The following SPTBN2 variants were observed in gnomAD, a reference collection of about 807,000 sequenced individuals.
SPTBN2 encodes spectrin beta chain, non-erythrocytic 2.
In SPTBN2, 107 loss-of-function variants were observed where a neutral mutation model predicts 284.2. The observed-to-expected ratio is 0.38, with a 90% CI of 0.32 to 0.44. The LOEUF (loss-of-function observed/expected upper bound fraction) is 0.44, where lower values mean the gene tolerates loss of function less well. SPTBN2 is among the 20% of genes least tolerant of loss of function. The pLI, the probability that SPTBN2 is intolerant of heterozygous loss-of-function variation, is 1.00. For missense variants in SPTBN2, 2,569 were observed against 3,287.1 expected, an observed-to-expected ratio of 0.78 and a Z score of 5.34; for synonymous variants, 1,289 against 1,354.8, an observed-to-expected ratio of 0.95 and a Z score of 1.07.
rs1941606138 is a variant in SPTBN2 at position 66,707,157 on chromosome 11, C to T, written c.1653+359G>A. Among the ~76,000 whole-genome samples, 1 of 152,264 alleles carries T rather than the reference C, an allele frequency of 6.6e-6. No homozygotes were observed. Among genetic ancestry groups the T allele is most frequent in the Non-Finnish European group, 1.5e-5 (1 of 68,050 alleles). ...TTCCTTCTGCCCGGAACATTCTCTC[C>T]TGAGAGCTCTCTGTGCTGGCTCCTG... On this transcript the variant is annotated intron_variant, in intron 13 of 37. Coordinates refer to ENST00000533211, the MANE Select transcript of SPTBN2 (RefSeq NM_006946.4). This position sits in a 1 kb window ranked among gnomAD's most constrained non-coding sequence, Gnocchi z 4.9.
chr11:66,734,929 G>A (rs1036965236), intron 1 of SPTBN2, among the ~76,000 whole-genome samples: 10 of 152,236 alleles, frequency 6.6e-5, no homozygotes, highest in Middle Eastern at 3.4e-3. Flanking sequence ...CAGCAGCAAC[G>A]GCAACAGCAA....
rs139240091 is a variant in SPTBN2 at position 66,711,028 on chromosome 11, G to A, written c.774C>T (p.Asp258=). The change falls in exon 9 of 38, where the codon GAC becomes GAT. Residue 258 remains aspartate, a splice_region_variant and synonymous_variant. Transcript: ENST00000533211. ...TCTCATCTGGCTGGTCCACATTCAC[G>A]TCTGCAAGAGAGGACCATTTGGGTC... ...LGLTKLLDPE[D]VNVDQPDEKS... is the part of the protein sequence containing the mutation. 52 of 1,613,766 alleles carry A rather than the reference G, an allele frequency of 3.2e-5. No individual in the cohort carries two copies. The highest frequency in any genetic ancestry group is 2.9e-4 in the African/African-American group (22 of 75,016).
intron 15 of SPTBN2, 64 bp downstream of exon 15, chr11:66,704,534 C>T (rs1941414628): frequency 1.3e-6 from 2 of 1,561,236 alleles, no homozygotes; most frequent in African/African-American, 1.4e-5. Context: ...ACTCACCACC[C>T]ACATCCTGGC....
intron 3 of SPTBN2, 121 bp downstream of exon 3, chr11:66,720,963 T>G: frequency 7.5e-7 from 1 of 1,337,862 alleles, no homozygotes; most frequent in Admixed American, 2.0e-5. Flanking sequence ...ATTGATAGAG[T>G]GCTCTGGGTC....
intron 15 of SPTBN2, among the ~76,000 whole-genome samples, chr11:66,703,186 C>T (rs1444744816): frequency 6.6e-6 from 1 of 151,698 alleles, no homozygotes; most frequent in African/African-American, 2.4e-5. Flanking sequence ...CTCAAGCAAT[C>T]CTCCTGCCTC....
chr11:66,692,467 C>T (rs1387820678), intron 26 of SPTBN2, 69 bp downstream of exon 26: 2 of 1,574,394 alleles, frequency 1.3e-6, no homozygotes, highest in East Asian at 2.2e-5. Flanking sequence ...GGGACTAGGT[C>T]CTAGTCTCCC....
At chr11:66,714,548 T>C in intron 5 of SPTBN2, 141 bp from the exon 6 acceptor site, 1 of 746,612 alleles carries the variant, frequency 1.3e-6, no homozygotes, top group Non-Finnish European at 2.3e-6. Flanking sequence ...CCTTTCAACC[T>C]AGGCCAGGGA....
intron 1 of SPTBN2, among the ~76,000 whole-genome samples, chr11:66,743,201 G>C (rs1290768281): frequency 6.6e-6 from 1 of 152,164 alleles, no homozygotes; most frequent in African/African-American, 2.4e-5. Context: ...TGTTTATCAA[G>C]TTTGATGGTT....
At chr11:66,744,569 T>C in exon 1 of SPTBN2, 3 of 208,730 alleles carry the variant, frequency 1.4e-5, no homozygotes, top group Non-Finnish European at 2.8e-5. Flanking sequence ...TCTCGCGGGC[T>C]CTTCCCCGCC....
intron 25 of SPTBN2, 54 bp from the exon 26 acceptor site, chr11:66,692,794 C>T: frequency 6.3e-7 from 1 of 1,598,590 alleles, no homozygotes; most frequent in Non-Finnish European, 8.5e-7. Context: ...GCTCTGACCT[C>T]CGGTCTGTTC....
At chr11:66,726,517 G>C (rs527317634) in intron 1 of SPTBN2, among the ~76,000 whole-genome samples, 1 of 152,348 alleles carries the variant, frequency 6.6e-6, no homozygotes, top group Admixed American at 6.5e-5. Flanking sequence ...GGAGCCATGA[G>C]TGTTGAGAAG....
rs553853345 is a variant in SPTBN2 at position 66,700,640 on chromosome 11, G to A, written c.3459C>T (p.Gly1153=). 2 of 1,608,200 alleles carry A rather than the reference G, an allele frequency of 1.2e-6. No individual in the cohort carries two copies. Among genetic ancestry groups the A allele is most frequent in the Non-Finnish European group, 1.7e-6 (2 of 1,179,950 alleles). Residue 1153 remains glycine (G), a synonymous_variant, in exon 17 of 38, where the codon GGC becomes GGT. Transcript: ENST00000533211. The surrounding 1 kb of genome is among the most constrained non-coding windows in gnomAD (Gnocchi z 6.6). ...LRQRLEALGT[G]WEELGRMWES... ...CCCACATTCGGCCCAGCTCCTCCCA[G>A]CCAGTTCCCAGGGCCTCCAGTCGCT...
intron 18 of SPTBN2, 94 bp downstream of exon 18, chr11:66,699,312 C>T (rs1941111162): frequency 6.7e-7 from 1 of 1,497,016 alleles, no homozygotes; most frequent in Non-Finnish European, 9.2e-7. Context: ...CCTGCCCCAT[C>T]TGTGGGTTTC....
chr11:66,716,049 G>T, intron 3 of SPTBN2, 68 bp from the exon 4 acceptor site: 1 of 1,607,856 alleles, frequency 6.2e-7, no homozygotes, highest in Non-Finnish European at 8.5e-7. Context: ...ACACCAGTTG[G>T]CAGGGGTGGG....
chr11:66,709,090 A>G (rs1941722167), intron 10 of SPTBN2, 71 bp from the exon 11 acceptor site: 1 of 1,256,680 alleles, frequency 8.0e-7, no homozygotes, highest in African/African-American at 1.5e-5. Context: ...TACTCTTCCA[A>G]ATGGGTGTCC....
intron 15 of SPTBN2, among the ~76,000 whole-genome samples, chr11:66,702,357 G>GT (rs1941293056): frequency 1.3e-5 from 2 of 152,228 alleles, no homozygotes; most frequent in Middle Eastern, 3.4e-3. Flanking sequence ...GTGGAGACGG[G>GT]TGTTTCACTA....
chr11:66,684,317 CCTTT>C lies in SPTBN2; in HGVS notation c.*1550_*1553del, dbSNP rs1239117200. Among the ~76,000 whole-genome samples the C allele has an allele frequency of 6.6e-5, 10 of 152,204 alleles. No individual in the cohort carries two copies. Among genetic ancestry groups the C allele is most frequent in the Admixed American group, 1.3e-4 (2 of 15,284 alleles). ...AGAGACAAAGGAGAAGCCACCCGCT[CCTTT>C]CTAATACTTCATCAGATCCAGAAGG... is the stretch of plus-strand genomic sequence containing the variant. On this transcript the variant is annotated 3_prime_UTR_variant, in exon 38 of 38. Coordinates refer to ENST00000533211, the MANE Select transcript of SPTBN2 (RefSeq NM_006946.4).
rs1203312321 is a variant in SPTBN2, at chr11:66,683,661, G to A, written c.*2210C>T. ...TCTCACCTCTCCGTTGACAATGCCT[G>A]CCCCTACTGCAGGACTGCTTCAATT... On this transcript the variant is annotated 3_prime_UTR_variant, in exon 38 of 38. Coordinates refer to ENST00000533211, the MANE Select transcript of SPTBN2 (RefSeq NM_006946.4). Among the ~76,000 whole-genome samples, 1 of 152,236 alleles carries A rather than the reference G, an allele frequency of 6.6e-6. No individual in the cohort carries two copies. The highest frequency in any genetic ancestry group is 1.5e-5 in the Non-Finnish European group (1 of 68,038).
chr11:66,686,272 C>G, intron 37 of SPTBN2, 126 bp downstream of exon 37: 1 of 1,449,492 alleles, frequency 6.9e-7, no homozygotes, highest in Middle Eastern at 1.7e-4. Context: ...GCGGCCGTCG[C>G]ACACATCCAG....
Sources: allele counts gnomAD v4.1 joint callset (sites outside exome capture counted in the v4.1 genomes callset), GRCh38; gene constraint gnomAD v4.1.1; non-coding constraint Gnocchi (gnomAD v3.1); transcripts MANE v1.5; gene names NCBI Gene and HGNC (gene_info 2026-07-23, HGNC 2026-07-21).